The following SEMA6D variants were observed in gnomAD, a reference collection of about 807,000 sequenced individuals.
SEMA6D encodes semaphorin-6D.
SEMA6D carries 35 observed loss-of-function variants against 106.6 expected under a neutral mutation model. The ratio of observed to expected loss-of-function variants is 0.33; its 90% CI spans 0.25 to 0.44. The LOEUF (loss-of-function observed/expected upper bound fraction) is 0.44. Among genes scored for constraint, SEMA6D ranks in the 20% least tolerant of loss-of-function variants. SEMA6D has a pLI of 1.00. For synonymous variants in SEMA6D, 499 were observed against 487.7 expected, an observed-to-expected ratio of 1.02 and a Z score of -0.31; for missense variants, 1,185 against 1,345.9, an observed-to-expected ratio of 0.88 and a Z score of 1.87.
At chr15:47,513,225 C>A (rs144145487) in intron 3 of SEMA6D, among the ~76,000 whole-genome samples, 119 of 151,948 alleles carry the variant, frequency 7.8e-4, no homozygotes, top group African/African-American at 2.8e-3. Context: ...GGAACACAGG[C>A]AGATTGATTT....
intron 2 of SEMA6D, among the ~76,000 whole-genome samples, chr15:47,441,355 A>C (rs1596003897): frequency 6.6e-6 from 1 of 152,258 alleles, no homozygotes; most frequent in East Asian, 1.9e-4. Flanking sequence ...AGTGGACAGA[A>C]GTCAAAAGTA....
At chr15:47,587,985 C>T (rs1187633515) in intron 3 of SEMA6D, among the ~76,000 whole-genome samples, 3 of 152,138 alleles carry the variant, frequency 2.0e-5, no homozygotes, top group East Asian at 3.9e-4. Context: ...TGGGAAGTTG[C>T]GTGAGTGCAG....
chr15:47,552,850 AT>A (rs2045772272), intron 3 of SEMA6D, among the ~76,000 whole-genome samples: 1 of 85,992 alleles, frequency 1.2e-5, no homozygotes, highest in African/African-American at 7.9e-5. Flanking sequence ...ATAAATATAT[AT>A]AAATATATAT....
chr15:47,262,173 A>G (rs1290291274), intron 1 of SEMA6D, among the ~76,000 whole-genome samples: 1 of 152,188 alleles, frequency 6.6e-6, no homozygotes, highest in Non-Finnish European at 1.5e-5. Context: ...CCACTGCTCA[A>G]AGAAATCAGA....
At chr15:47,616,253 TC>T (rs2077004869) in intron 4 of SEMA6D, among the ~76,000 whole-genome samples, 1 of 152,034 alleles carries the variant, frequency 6.6e-6, no homozygotes, top group Non-Finnish European at 1.5e-5. Flanking sequence ...AACTGCAGCC[TC>T]CACCTCACAG....
At chr15:47,659,500 A>G (rs991631365) in intron 4 of SEMA6D, among the ~76,000 whole-genome samples, 72 of 152,024 alleles carry the variant, frequency 4.7e-4, no homozygotes, top group African/African-American at 1.6e-3. Context: ...ATAAGAATAA[A>G]TAGGATCATA....
chr15:47,402,320 A>G (rs1238678772), intron 1 of SEMA6D, among the ~76,000 whole-genome samples: 2 of 152,152 alleles, frequency 1.3e-5, no homozygotes, highest in South Asian at 2.1e-4. Flanking sequence ...TCTCTGTTAT[A>G]TAGTGTACCT....
chr15:47,194,061 AGGTGGATGGATGGATG>A (rs1294279429), intron 1 of SEMA6D, among the ~76,000 whole-genome samples: 51 of 151,214 alleles, frequency 3.4e-4, no homozygotes, highest in Middle Eastern at 3.4e-3. Flanking sequence ...GTGAGTGGGT[AGGTGGATGGATGGATG>A]GGTGGATGGG....
chr15:47,200,638 A>G (rs1201534317), intron 1 of SEMA6D, among the ~76,000 whole-genome samples: 2 of 152,178 alleles, frequency 1.3e-5, no homozygotes, highest in Non-Finnish European at 2.9e-5. Flanking sequence ...TAAAGTCATT[A>G]AAAGTTTCTA....
chr15:47,490,388 G>A (rs1476391870), intron 3 of SEMA6D, among the ~76,000 whole-genome samples: 2 of 152,200 alleles, frequency 1.3e-5, no homozygotes, highest in African/African-American at 4.8e-5. Flanking sequence ...GCTCACACCT[G>A]TAATCCCAGC....
At chr15:47,502,218 T>C (rs542559624) in intron 3 of SEMA6D, among the ~76,000 whole-genome samples, 2 of 152,322 alleles carry the variant, frequency 1.3e-5, no homozygotes, top group East Asian at 3.9e-4. Flanking sequence ...CCAAAATACA[T>C]TTTTTGACAG....
At chr15:47,365,704 T>C (rs908444418) in intron 1 of SEMA6D, among the ~76,000 whole-genome samples, 1 of 151,292 alleles carries the variant, frequency 6.6e-6, no homozygotes, top group East Asian at 1.9e-4. Context: ...CTACTAAAAA[T>C]AGAAAAATTA....
At chr15:47,253,210 T>C (rs2033617160) in intron 1 of SEMA6D, among the ~76,000 whole-genome samples, 1 of 152,168 alleles carries the variant, frequency 6.6e-6, no homozygotes, top group South Asian at 2.1e-4. Flanking sequence ...TAGCGATCAG[T>C]GATTTTGCTA....
At chr15:47,747,498 A>G (rs2081210138) in intron 1 of SEMA6D, among the ~76,000 whole-genome samples, 1 of 152,196 alleles carries the variant, frequency 6.6e-6, no homozygotes, top group South Asian at 2.1e-4. Context: ...AACCTTGCAT[A>G]AGAGGTTTTT....
intron 1 of SEMA6D, among the ~76,000 whole-genome samples, chr15:47,322,746 G>A (rs542752122): frequency 1.2e-4 from 19 of 152,276 alleles, no homozygotes; most frequent in African/African-American, 4.6e-4. Flanking sequence ...AAAATTTGAA[G>A]TGATTTTAGT....
At position 47,730,419 on chromosome 15, in the gene SEMA6D, G is replaced by A. The variant is rs540928763; in HGVS notation, c.-55+12727G>A. The A allele has an allele frequency of 1.9e-5, 27 of 1,423,320 alleles. No homozygotes were observed. The East Asian group carries it at 2.5e-4, about 13-fold the overall frequency. The allele number at this position is 1,423,320 out of a possible 1,614,324, so 88.2% of individuals were successfully genotyped here. A position where few individuals can be genotyped will look rare whatever the true frequency, so the allele number is the denominator to read the frequency against. Reference sequence around the variant, plus strand: ...ATGCAGTAAGGGACCCCCATTTTACGACACAGGGCAGGCAAGAAGACAACC... The same window carrying A: ...ATGCAGTAAGGGACCCCCATTTTACAACACAGGGCAGGCAAGAAGACAACC... On this transcript the variant is annotated intron_variant, in intron 1 of 18. Coordinates refer to ENST00000536845, the MANE Select transcript of SEMA6D (RefSeq NM_001358351.3).
At chr15:47,550,517 C>T (rs1201147531) in intron 3 of SEMA6D, among the ~76,000 whole-genome samples, 1 of 152,124 alleles carries the variant, frequency 6.6e-6, no homozygotes, top group South Asian at 2.1e-4. Context: ...ACTGTGAGAA[C>T]TAGACTACAG....
At chr15:47,669,956 C>T (rs577053986) in intron 4 of SEMA6D, among the ~76,000 whole-genome samples, 3 of 152,330 alleles carry the variant, frequency 2.0e-5, no homozygotes, top group Admixed American at 2.0e-4. Context: ...TCCTGACATC[C>T]AGTCCCTGTC....
intron 4 of SEMA6D, among the ~76,000 whole-genome samples, chr15:47,674,072 G>C (rs1341196161): frequency 6.6e-6 from 1 of 152,056 alleles, no homozygotes; most frequent in Non-Finnish European, 1.5e-5. Flanking sequence ...CAGCCCATGG[G>C]ACAGCCGTGT....
Sources: gnomAD v4.1 joint callset for allele counts (sites outside exome capture counted in the v4.1 genomes callset) on GRCh38, gnomAD v4.1.1 for gene constraint, MANE v1.5 for transcripts, NCBI Gene and HGNC (gene_info 2026-07-23, HGNC 2026-07-21) for gene names.